STRN4: variants seen among roughly 807,000 people sequenced by gnomAD.
STRN4 encodes the protein striatin-4.
STRN4 carries 27 observed loss-of-function variants against 77.9 expected under a neutral mutation model. The ratio of observed to expected loss-of-function variants is 0.35; its 90% confidence interval spans 0.26 to 0.48. STRN4 has a LOEUF of 0.48. Among genes scored for constraint, STRN4 ranks in the 20% least tolerant of loss-of-function variants. The probability of loss-of-function intolerance (pLI) is 0.99; values close to 1 mark genes in which losing one functional copy is unlikely to be tolerated. For missense variants in STRN4, 798 were observed against 1,049.7 expected, an observed-to-expected ratio of 0.76 and a Z score of 3.31; for synonymous variants, 466 against 443.1, an observed-to-expected ratio of 1.05 and a Z score of -0.65.
chr19:46,727,189 C>G (rs2054136928), intron 9 of STRN4, among the ~76,000 whole-genome samples: 1 of 152,216 alleles, frequency 6.6e-6, no homozygotes, highest in African/African-American at 2.4e-5. Context: ...GGGGTGGCTA[C>G]AGGTCATCTT....
intron 1 of STRN4, chr19:46,745,799 G>A (rs577806781): frequency 1.9e-4 from 37 of 195,912 alleles, no homozygotes; most frequent in Non-Finnish European, 4.2e-5. Context: ...GGCTCGAGTC[G>A]CCTCTCTCAG....
chr19:46,743,376 A>G (rs1179484395), intron 1 of STRN4, among the ~76,000 whole-genome samples: 2 of 152,204 alleles, frequency 1.3e-5, no homozygotes, highest in Non-Finnish European at 2.9e-5. Context: ...CTCAAACTCC[A>G]AGAAGGGTCA....
At chr19:46,746,098 C>CGGGCT (rs1223926908) in intron 1 of STRN4, 51 bp downstream of exon 1, 1 of 1,389,276 alleles carries the variant, frequency 7.2e-7, no homozygotes, top group Non-Finnish European at 9.3e-7. Flanking sequence ...CGGGTGAGGC[C>CGGGCT]GGGCCGGGCC....
At chr19:46,740,994 T>C (rs1180045584) in intron 1 of STRN4, among the ~76,000 whole-genome samples, 1 of 152,236 alleles carries the variant, frequency 6.6e-6, no homozygotes, top group Non-Finnish European at 1.5e-5. Context: ...CCAGGATGGC[T>C]GCTTCAGAAC....
chr19:46,741,151 G>A lies in STRN4; in HGVS notation c.283-2263C>T, dbSNP rs776702269. Among the ~76,000 whole-genome samples the A allele has an allele frequency of 3.3e-5, 5 of 152,164 alleles. No homozygotes were observed. Among genetic ancestry groups the A allele is most frequent in the Admixed American group, 1.3e-4 (2 of 15,266 alleles). Reference sequence around the variant, plus strand: ...GACTAGAGGGAGGGAGCAGGAGAGCGGCAGAGCTGGACACAGAGACCCCCA... The same window carrying A: ...GACTAGAGGGAGGGAGCAGGAGAGCAGCAGAGCTGGACACAGAGACCCCCA... On this transcript the variant is annotated intron_variant, in intron 1 of 17. Transcript: ENST00000263280. This position sits in a 1 kb window ranked among gnomAD's most constrained non-coding sequence, Gnocchi z 4.9.
rs977283151 is a variant in STRN4, at chr19:46,721,506, G to A, written c.2092+480C>T. On this transcript the variant is annotated intron_variant, in intron 16 of 17. Transcript: ENST00000263280. ...ACACACACTCACTGCTGCACTCACTGCAGGCCTCACCCTTCACCCCCACAG... is the reference window on the plus strand; with the variant it reads ...ACACACACTCACTGCTGCACTCACTACAGGCCTCACCCTTCACCCCCACAG... The A allele has an allele frequency of 3.7e-5, 7 of 188,970 alleles. No individual in the cohort carries two copies. The Admixed American group carries it at 3.8e-4, about 10-fold the overall frequency. 11.7% of individuals were successfully genotyped at this position (188,970 alleles called of 1,614,324 possible). A position where few individuals can be genotyped will look rare whatever the true frequency, so the allele number is the denominator to read the frequency against.
chr19:46,726,941 C>G (rs917299859), intron 9 of STRN4, among the ~76,000 whole-genome samples: 4 of 152,158 alleles, frequency 2.6e-5, no homozygotes, highest in Non-Finnish European at 5.9e-5. Context: ...CTCTGACCCC[C>G]CTTCCTGAAT....
At chr19:46,725,728 G>T (rs313844) in intron 9 of STRN4, 80 bp from the exon 10 acceptor site, 148 of 1,529,402 alleles carry the variant, frequency 9.7e-5, no homozygotes, top group Non-Finnish European at 1.3e-4. Context: ...GGGCTTGAGG[G>T]CCCCTGTCTT....
intron 14 of STRN4, 75 bp downstream of exon 14, chr19:46,722,735 C>A: frequency 6.3e-7 from 1 of 1,582,810 alleles, no homozygotes; most frequent in South Asian, 1.1e-5. Flanking sequence ...GACAAGGGGT[C>A]GCCAAAGCCC....
At position 46,725,541 on chromosome 19, in the gene STRN4, A is replaced by G; in HGVS notation, c.1356T>C (p.Ala452=). 6.2e-7 allele frequency: 1 copy of G among 1,614,172 alleles called. No homozygotes were observed. The highest frequency in any genetic ancestry group is 8.5e-7 in the Non-Finnish European group (1 of 1,180,024). ...TGCCGTCCTCGGAGGCGGTGAGCAG[A>G]GCCGACTGGCTGTGGTGGAAGGCCA... ...RSLAFHHSQS[A]LLTASEDGTL... Residue 452 remains alanine (A), a synonymous_variant, in exon 10 of 18, where the codon GCT becomes GCC. Transcript: ENST00000263280.
chr19:46,742,725 A>T (rs1482424806), intron 1 of STRN4, among the ~76,000 whole-genome samples: 1 of 151,782 alleles, frequency 6.6e-6, no homozygotes, highest in African/African-American at 2.4e-5. Flanking sequence ...ACCACGCCCG[A>T]CTAATTTCTG....
At chr19:46,725,164 G>T (rs2054079079) in intron 11 of STRN4, among the ~76,000 whole-genome samples, 168 bp downstream of exon 11, 1 of 151,744 alleles carries the variant, frequency 6.6e-6, no homozygotes, top group Non-Finnish European at 1.5e-5. Flanking sequence ...GTGAAAGTCA[G>T]CATGGAGCCC....
Position 46,733,517 on chromosome 19 carries a change from G to GAC in STRN4, c.540-282_540-281insGT, listed in dbSNP as rs2054298197. 1 of 417,860 alleles carries GAC rather than the reference G, an allele frequency of 2.4e-6. No homozygotes were observed. The highest frequency in any genetic ancestry group is 4.4e-5 in the East Asian group (1 of 22,964). 25.9% of individuals were successfully genotyped at this position (417,860 alleles called of 1,614,324 possible). A position where few individuals can be genotyped will look rare whatever the true frequency, so the allele number is the denominator to read the frequency against. ...CTCAGCACCCACCGACAGGGGCTGT[G>GAC]TCAGCAAATGACTCATAGCGCTGCA... is the stretch of plus-strand genomic sequence containing the variant. On this transcript the variant is annotated intron_variant, in intron 4 of 17. Transcript: ENST00000263280. This position sits in a 1 kb window ranked among gnomAD's most constrained non-coding sequence, Gnocchi z 4.3.
intron 8 of STRN4, 103 bp from the exon 9 acceptor site, chr19:46,727,649 G>T: frequency 1.0e-6 from 1 of 971,846 alleles, no homozygotes; most frequent in Non-Finnish European, 1.6e-6. Flanking sequence ...GAGATAAAGA[G>T]CAAGAGAGAG....
chr19:46,727,292 C>T lies in STRN4; in HGVS notation c.1248+160G>A, dbSNP rs537278317. On this transcript the variant is annotated intron_variant, in intron 9 of 17. Coordinates refer to ENST00000263280, the MANE Select transcript of STRN4 (RefSeq NM_013403.3). Reference sequence around the variant, plus strand: ...AGGCTCCAGAGTCTTCCAGGCCCTGCGCCTTGGCGACCGCAGTCAAGTCCC... The same window carrying T: ...AGGCTCCAGAGTCTTCCAGGCCCTGTGCCTTGGCGACCGCAGTCAAGTCCC... 5.3e-5 allele frequency among the ~76,000 whole-genome samples: 8 copies of T among 152,252 alleles called. No homozygotes were observed. The East Asian group carries it at 1.2e-3, about 22-fold the overall frequency.
Position 46,738,841 on chromosome 19 carries a change from T to G in STRN4, c.330A>C (p.Leu110=), listed in dbSNP as rs1305292234. ...TGATCCGCCGCACCAGGTCCGTCTT[T>G]AGATTCTCCTGCCCTTTCCTCTCTC... ...LQGERKGQEN[L]KTDLVRRIKM... Residue 110 remains leucine, a synonymous_variant, in exon 2 of 18, where the codon CTA becomes CTC. Transcript: ENST00000263280. This position sits in a 1 kb window ranked among gnomAD's most constrained non-coding sequence, Gnocchi z 4.5. 6.2e-7 allele frequency: 1 copy of G among 1,614,182 alleles called. No individual in the cohort carries two copies. The highest frequency in any genetic ancestry group is 1.7e-5 in the Admixed American group (1 of 60,024).
Position 46,733,146 on chromosome 19 carries a change from G to A in STRN4, c.630C>T (p.Asn210=), listed in dbSNP as rs146403716. 9.9e-6 allele frequency: 16 copies of A among 1,612,192 alleles called. No homozygotes were observed. Among genetic ancestry groups the A allele is most frequent in the Admixed American group, 5.0e-5 (3 of 60,000 alleles). ...RSLLGRSLEL[N]GAVEPSEGAP... ...CCCCTTCACTCGGCTCCACTGCCCC[G>A]TTGAGCTCCAGCGAGCGGCCCAGCA... Residue 210 remains asparagine, a synonymous_variant, in exon 5 of 18, where the codon AAC becomes AAT. Transcript: ENST00000263280. The surrounding 1 kb of genome is among the most constrained non-coding windows in gnomAD (Gnocchi z 4.3).
intron 9 of STRN4, chr19:46,726,228 G>C (rs1297468365): frequency 6.5e-6 from 1 of 153,454 alleles, no homozygotes; most frequent in African/African-American, 2.4e-5. Context: ...GAGCCCCGGA[G>C]GAATGCGCAT....
intron 6 of STRN4, 144 bp from the exon 7 acceptor site, chr19:46,728,921 G>T: frequency 8.0e-7 from 1 of 1,246,082 alleles, no homozygotes; most frequent in Non-Finnish European, 1.1e-6. Flanking sequence ...CTGCCCTGGA[G>T]CGCCCCCTGC....
Sources: gnomAD v4.1 joint callset for allele counts (sites outside exome capture counted in the v4.1 genomes callset) on GRCh38, gnomAD v4.1.1 for gene constraint, Gnocchi (gnomAD v3.1) non-coding constraint, MANE v1.5 for transcripts, NCBI Gene and HGNC (gene_info 2026-07-23, HGNC 2026-07-21) for gene names.